ZNF710: variants seen among roughly 807,000 people sequenced by gnomAD.
ZNF710 encodes the protein zinc finger protein 710.
Under a neutral mutation model 50.6 loss-of-function variants are expected in ZNF710, and 13 were observed. That is an observed-to-expected ratio of 0.26 (90% CI 0.17 to 0.41). The LOEUF (loss-of-function observed/expected upper bound fraction) is 0.41, where lower values mean the gene tolerates loss of function less well. Ranked by LOEUF, ZNF710 falls within the 10% of genes least tolerant of loss-of-function variation. The probability of loss-of-function intolerance (pLI) is 1.00; values close to 1 mark genes in which losing one functional copy is unlikely to be tolerated. For synonymous variants in ZNF710, 383 were observed against 397.0 expected (o/e 0.96, Z 0.42); for missense variants, 721 against 936.6 (o/e 0.77, Z 3.01).
In ZNF710 at chr15:90,045,875, C is replaced by T. The variant is rs373538397; in HGVS notation, c.-28-21235C>T. ...CGAGGTAGCAGGGGCCAGGTCTCTT[C>T]TGGAGGACCTACCGCATGTCTCGGC... On this transcript the variant is annotated intron_variant, in intron 1 of 4. Coordinates refer to ENST00000268154, the MANE Select transcript of ZNF710 (RefSeq NM_198526.4). Among the ~76,000 whole-genome samples the T allele has an allele frequency of 3.9e-5, 6 of 152,256 alleles. No individual in the cohort carries two copies. In the East Asian group the frequency reaches 5.8e-4, roughly 15 times the overall value.
At position 90,080,051 on chromosome 15, in the gene ZNF710, G is replaced by A. The variant is rs1031714864; in HGVS notation, c.*222G>A. On this transcript the variant is annotated 3_prime_UTR_variant, in exon 5 of 5. Coordinates refer to ENST00000268154, the MANE Select transcript of ZNF710 (RefSeq NM_198526.4). ...AGCACAGGCCCAGGCATCCCAGCAA[G>A]GGAAGGAGAACACGCGAGGCCCAGA... The A allele has an allele frequency of 2.2e-5, 10 of 463,020 alleles. No individual in the cohort carries two copies. The highest frequency in any genetic ancestry group is 1.0e-4 in the African/African-American group (5 of 48,472). 28.7% of individuals were successfully genotyped at this position (463,020 alleles called of 1,614,324 possible). A position where few individuals can be genotyped will look rare whatever the true frequency, so the allele number is the denominator to read the frequency against.
At chr15:90,041,892 ATTT>A (rs71151548) in intron 1 of ZNF710, among the ~76,000 whole-genome samples, 21,612 of 110,016 alleles carry the variant, frequency 0.2, 1,974 homozygotes, top group East Asian at 0.54. Flanking sequence ...TTTGTTTTTG[ATTT>A]TTTTTTTTTT....
upstream of ZNF710, among the ~76,000 whole-genome samples, chr15:90,000,929 G>A (rs558092200): frequency 6.6e-6 from 1 of 151,954 alleles, no homozygotes; most frequent in Non-Finnish European, 1.5e-5. Flanking sequence ...ATTTCCAAGC[G>A]AGGTCTGCCT....
intron 1 of ZNF710, among the ~76,000 whole-genome samples, chr15:90,026,248 AC>A (rs1431772847): frequency 2.1e-5 from 3 of 140,720 alleles, no homozygotes; most frequent in African/African-American, 8.6e-5. Flanking sequence ...GAGAAAAAAA[AC>A]AAAACAACAA....
At chr15:90,058,645 T>C (rs754652707) in intron 1 of ZNF710, among the ~76,000 whole-genome samples, 2 of 151,770 alleles carry the variant, frequency 1.3e-5, no homozygotes, top group Non-Finnish European at 2.9e-5. Context: ...AGTGTGATTA[T>C]TGTATCAGTC....
At position 90,068,219 on chromosome 15, in the gene ZNF710, C is replaced by T; in HGVS notation, c.1082C>T (p.Thr361Met). 1.2e-6 allele frequency: 2 copies of T among 1,613,692 alleles called. No homozygotes were observed. Among genetic ancestry groups the T allele is most frequent in the Non-Finnish European group, 8.5e-7 (1 of 1,179,986 alleles). Reference sequence around the variant, plus strand: ...TGCCAGGTATGCCACAAGGCCTTCACGCAGACCAGCCACCTCAAGCGCCAC... The same window carrying T: ...TGCCAGGTATGCCACAAGGCCTTCATGCAGACCAGCCACCTCAAGCGCCAC... Reference protein sequence around the residue: ...HKCQVCHKAFTQTSHLKRHML... With the variant: ...HKCQVCHKAFMQTSHLKRHML... The change falls in exon 2 of 5, where the codon ACG becomes ATG. Residue 361 changes from threonine (T) to methionine (M), a missense_variant. Around this residue, in one of 3 missense-constraint regions of ZNF710, gnomAD observed 326 missense variants for 522.0 expected, o/e 0.62. Transcript: ENST00000268154. The surrounding 1 kb of genome is among the most constrained non-coding windows in gnomAD (Gnocchi z 5.0).
intron 1 of ZNF710, among the ~76,000 whole-genome samples, chr15:90,033,123 T>G (rs1048420735): frequency 7.2e-5 from 11 of 152,042 alleles, no homozygotes; most frequent in Admixed American, 1.3e-4. Flanking sequence ...GAAAATGGGA[T>G]TGGTGTTTAG....
intron 1 of ZNF710, among the ~76,000 whole-genome samples, chr15:90,002,838 C>T (rs184330636): frequency 1.7e-4 from 26 of 152,252 alleles, no homozygotes; most frequent in Admixed American, 1.7e-3. Context: ...CTAGGATTTG[C>T]GAGACGGTTA....
chr15:90,069,424 A>G (rs1051796476), intron 2 of ZNF710, among the ~76,000 whole-genome samples: 1 of 151,470 alleles, frequency 6.6e-6, no homozygotes, highest in East Asian at 1.9e-4. Context: ...AAAAAAAATC[A>G]TTTTTATAAC....
chr15:90,073,128 A>G lies in ZNF710; in HGVS notation c.1516A>G (p.Met506Val). The part of the protein sequence containing the change: ...CGREFTLQAN[M>V]KRHMLIHTSV... ...CCGGGAGTTCACCCTACAGGCGAAC[A>G]TGAAGCGGCACATGCTGATCCACAC... Residue 506 changes from methionine (M) to valine (V), a missense_variant, in exon 3 of 5, where the codon ATG (methionine) becomes GTG (valine). Physicochemically the swap from Met to Val is conservative, Grantham distance 21 (BLOSUM62 1). Around this residue, in one of 3 missense-constraint regions of ZNF710, gnomAD observed 326 missense variants for 522.0 expected, o/e 0.62. Transcript: ENST00000268154. The G allele has an allele frequency of 6.2e-7, 1 of 1,614,144 alleles. No homozygotes were observed. The highest frequency in any genetic ancestry group is 8.5e-7 in the Non-Finnish European group (1 of 1,180,024).
chr15:90,000,450 G>A (rs1200427359), upstream of ZNF710, among the ~76,000 whole-genome samples: 1 of 152,058 alleles, frequency 6.6e-6, no homozygotes, highest in Non-Finnish European at 1.5e-5. Flanking sequence ...CAGCGACCAC[G>A]CCTCGGCGCC....
chr15:90,021,474 G>C (rs550214329), intron 1 of ZNF710, among the ~76,000 whole-genome samples: 1 of 152,150 alleles, frequency 6.6e-6, no homozygotes, highest in South Asian at 2.1e-4. Context: ...CCTGCGGACC[G>C]CGGTGCTATG....
intron 4 of ZNF710, among the ~76,000 whole-genome samples, chr15:90,078,712 C>T (rs989694837): frequency 6.6e-5 from 10 of 152,226 alleles, no homozygotes; most frequent in African/African-American, 2.2e-4. Context: ...ATGCACAGGA[C>T]AGCCTCACAA....
At chr15:90,065,278 G>A (rs945633960) in intron 1 of ZNF710, among the ~76,000 whole-genome samples, 1 of 152,206 alleles carries the variant, frequency 6.6e-6, no homozygotes, top group Non-Finnish European at 1.5e-5. Context: ...AGGAAGGGCC[G>A]CCGACCGTGT....
chr15:90,008,409 CGT>C lies in ZNF710; in HGVS notation c.-29+6812_-29+6813del, dbSNP rs530102600. Among the ~76,000 whole-genome samples the C allele has an allele frequency of 9.3e-3, 1,205 of 129,728 alleles. 19 individuals carry two copies. Among genetic ancestry groups the C allele is most frequent in the African/African-American group, 0.024 (718 of 29,710 alleles). 85.1% of individuals were successfully genotyped at this position (129,728 alleles called of 152,430 possible). On this transcript the variant is annotated intron_variant, in intron 1 of 4. Coordinates refer to ENST00000268154, the MANE Select transcript of ZNF710 (RefSeq NM_198526.4). ...TATGTGTATATATGTATATAGTATACGTGTGTGTGTGTGTGTGTATATATATA... is the reference window on the plus strand; with the variant it reads ...TATGTGTATATATGTATATAGTATACGTGTGTGTGTGTGTGTATATATATA...
intron 1 of ZNF710, among the ~76,000 whole-genome samples, chr15:90,039,591 T>G (rs1028024039): frequency 6.6e-6 from 1 of 152,216 alleles, no homozygotes; most frequent in African/African-American, 2.4e-5. Flanking sequence ...CCAATCCATC[T>G]TGATGACTGC....
At chr15:90,029,416 G>A (rs1367229645) in intron 1 of ZNF710, among the ~76,000 whole-genome samples, 1 of 152,172 alleles carries the variant, frequency 6.6e-6, no homozygotes, top group Non-Finnish European at 1.5e-5. Context: ...AAACCACAGA[G>A]AATGAACAAA....
intron 1 of ZNF710, among the ~76,000 whole-genome samples, chr15:90,009,484 C>T (rs139730385): frequency 1.8e-4 from 27 of 152,242 alleles, no homozygotes; most frequent in Middle Eastern, 3.4e-3. Flanking sequence ...TCTTCCTGTC[C>T]TCCCACTACA....
chr15:90,005,077 A>AATAC (rs1308181991), intron 1 of ZNF710, among the ~76,000 whole-genome samples: 2 of 152,228 alleles, frequency 1.3e-5, no homozygotes, highest in African/African-American at 4.8e-5. Context: ...GAAGGAGTGT[A>AATAC]AGGACCCAAG....
Sources: allele counts gnomAD v4.1 joint callset (sites outside exome capture counted in the v4.1 genomes callset), GRCh38; gene constraint gnomAD v4.1.1; regional missense constraint gnomAD v4.1.1; non-coding constraint Gnocchi (gnomAD v3.1); transcripts MANE v1.5; gene names NCBI Gene and HGNC (gene_info 2026-07-23, HGNC 2026-07-21).